Variants in AGBL1 observed in about 807,000 individuals in gnomAD.
AGBL1 encodes AGBL carboxypeptidase 1, also known as cytosolic carboxypeptidase 4.
A neutral mutation model predicts 118.9 loss-of-function variants in AGBL1; 130 were observed. The observed-to-expected ratio is 1.09, with a 90% CI of 0.95 to 1.26. The LOEUF is 1.26. Among genes scored for constraint, AGBL1 ranks in the 50% most tolerant of loss-of-function variants. The pLI is 0.00. For synonymous variants in AGBL1, 555 were observed against 478.9 expected, an observed-to-expected ratio of 1.16 and a Z score of -2.08; for missense variants, 1,584 against 1,298.1, an observed-to-expected ratio of 1.22 and a Z score of -3.38.
chr15:86,149,224 G>A (rs150678430), intron 3 of AGBL1, among the ~76,000 whole-genome samples: 37 of 152,186 alleles, frequency 2.4e-4, no homozygotes, highest in South Asian at 1.0e-3. Context: ...ATCAATTAAC[G>A]GGCAAAATAA....
At chr15:86,690,266 C>T (rs892193607) in intron 22 of AGBL1, among the ~76,000 whole-genome samples, 10 of 152,088 alleles carry the variant, frequency 6.6e-5, no homozygotes, top group African/African-American at 2.4e-4. Flanking sequence ...ACTACAAAGA[C>T]CTGTCTGATG....
chr15:86,106,706 G>C (rs1459006172), intron 1 of AGBL1, among the ~76,000 whole-genome samples: 3 of 152,320 alleles, frequency 2.0e-5, no homozygotes, highest in Admixed American at 1.3e-4. Flanking sequence ...CCATTTTACT[G>C]ATCTGGGCTG....
intron 5 of AGBL1, among the ~76,000 whole-genome samples, chr15:86,189,489 G>A (rs2077683075): frequency 6.6e-6 from 1 of 152,180 alleles, no homozygotes; most frequent in South Asian, 2.1e-4. Flanking sequence ...CTGGTAGGAG[G>A]CATTTAGATT....
chr15:86,281,998 C>T (rs2079362480), intron 16 of AGBL1, among the ~76,000 whole-genome samples: 1 of 152,120 alleles, frequency 6.6e-6, no homozygotes, highest in African/African-American at 2.4e-5. Context: ...CAAGATGCTC[C>T]AATGGATTCT....
At position 86,151,954 on chromosome 15, in the gene AGBL1, C is replaced by T. The variant is rs2141680784; in HGVS notation, c.263-2476C>T. 2.0e-5 allele frequency among the ~76,000 whole-genome samples: 3 copies of T among 152,260 alleles called. No individual in the cohort carries two copies. The South Asian group carries it at 6.2e-4, about 32-fold the overall frequency. On this transcript the variant is annotated intron_variant, in intron 3 of 22. Transcript: ENST00000614907. ...GAGAATAAAATACCTAGGAATCCAA[C>T]TTACAAGGGATGTGAAGGACCTCTT...
chr15:86,331,416 T>C (rs2080267030), intron 17 of AGBL1, among the ~76,000 whole-genome samples: 1 of 9,774 alleles, frequency 1.0e-4, no homozygotes. Flanking sequence ...TAATCTTACT[T>C]AGAGAGGTAA....
At chr15:86,430,505 A>AT (rs1465890587) in intron 18 of AGBL1, among the ~76,000 whole-genome samples, 10 of 151,788 alleles carry the variant, frequency 6.6e-5, no homozygotes, top group Non-Finnish European at 2.9e-5. Context: ...AAAAAAAAAA[A>AT]ATGTGTGTGT....
intron 17 of AGBL1, among the ~76,000 whole-genome samples, chr15:86,352,674 G>T (rs915761268): frequency 1.3e-5 from 2 of 152,044 alleles, no homozygotes; most frequent in South Asian, 4.2e-4. Context: ...TAGAGATGGG[G>T]TTTCACTATG....
In AGBL1 at chr15:86,453,606, T is replaced by G. The variant is rs532254247; in HGVS notation, c.2555+56060T>G. 2.6e-5 allele frequency among the ~76,000 whole-genome samples: 4 copies of G among 152,318 alleles called. No homozygotes were observed. In the East Asian group the frequency reaches 7.7e-4, roughly 29 times the overall value. ...TGCTGCAGTTACCAGCAAAAAGCCA[T>G]CAGGTTTTAGAGTTTTCTCATCCGT... On this transcript the variant is annotated intron_variant, in intron 18 of 22. Coordinates refer to ENST00000614907, the MANE Select transcript of AGBL1 (RefSeq NM_001386094.1).
intron 22 of AGBL1, among the ~76,000 whole-genome samples, chr15:86,754,329 C>G (rs979965656): frequency 6.6e-6 from 1 of 152,014 alleles, no homozygotes; most frequent in Non-Finnish European, 1.5e-5. Context: ...AGGGCAGGTG[C>G]CATGAGCAAC....
rs578167712 is a variant in AGBL1, at chr15:86,479,817, A to G, written c.2556-42993A>G. The stretch of plus-strand genomic sequence containing the variant: ...TTATTGCGGCACTATTCACAATAGC[A>G]AAGACTTGGAACCAACCCAAATGTC... On this transcript the variant is annotated intron_variant, in intron 18 of 22. Transcript: ENST00000614907. Among the ~76,000 whole-genome samples, 422 of 152,326 alleles carry G rather than the reference A, an allele frequency of 2.8e-3. 2 individuals are homozygous for G. The highest frequency in any genetic ancestry group is 9.5e-3 in the African/African-American group (395 of 41,570).
intron 19 of AGBL1, among the ~76,000 whole-genome samples, chr15:86,539,414 G>A (rs1404917757): frequency 6.6e-6 from 1 of 151,970 alleles, no homozygotes; most frequent in Non-Finnish European, 1.5e-5. Context: ...CTTAAGCTAG[G>A]CCCTTCTCAT....
At chr15:86,101,322 T>A (rs1440135427) in intron 1 of AGBL1, among the ~76,000 whole-genome samples, 1 of 152,186 alleles carries the variant, frequency 6.6e-6, no homozygotes, top group Non-Finnish European at 1.5e-5. Context: ...GAGAAGAAAG[T>A]ATATTCTGTA....
chr15:86,690,272 T>C (rs1478653834), intron 22 of AGBL1, among the ~76,000 whole-genome samples: 1 of 152,144 alleles, frequency 6.6e-6, no homozygotes, highest in African/African-American at 2.4e-5. Flanking sequence ...AAGACCTGTC[T>C]GATGATCACA....
intron 18 of AGBL1, among the ~76,000 whole-genome samples, chr15:86,520,868 T>A (rs1470342436): frequency 6.6e-6 from 1 of 152,236 alleles, no homozygotes; most frequent in Non-Finnish European, 1.5e-5. Flanking sequence ...ACAGCAAATG[T>A]GCTTGGGAGC....
At chr15:86,506,083 C>T (rs183582854) in intron 18 of AGBL1, among the ~76,000 whole-genome samples, 4 of 152,110 alleles carry the variant, frequency 2.6e-5, no homozygotes, top group African/African-American at 9.6e-5. Context: ...AGTCTCATAG[C>T]GTTTGCTAGG....
At chr15:86,642,626 A>ATTAT (rs2085211778) in intron 21 of AGBL1, among the ~76,000 whole-genome samples, 1 of 118,954 alleles carries the variant, frequency 8.4e-6, no homozygotes, top group Non-Finnish European at 1.9e-5. Flanking sequence ...TTATTAAATA[A>ATTAT]TATTTAATGT....
chr15:86,544,178 T>G (rs1018861650), intron 19 of AGBL1, among the ~76,000 whole-genome samples: 4 of 152,348 alleles, frequency 2.6e-5, no homozygotes, highest in South Asian at 2.1e-4. Flanking sequence ...TCCTCTGCTC[T>G]GACCCAGGTT....
chr15:86,433,632 T>A (rs2081967083), intron 18 of AGBL1, among the ~76,000 whole-genome samples: 1 of 152,186 alleles, frequency 6.6e-6, no homozygotes, highest in Non-Finnish European at 1.5e-5. Context: ...ATGAGAACTC[T>A]GGCATGCACT....
Sources: gnomAD v4.1 joint callset for allele counts (sites outside exome capture counted in the v4.1 genomes callset) on GRCh38, gnomAD v4.1.1 for gene constraint, MANE v1.5 for transcripts, NCBI Gene and HGNC (gene_info 2026-07-23, HGNC 2026-07-21) for gene names.